The following CCDC178 variants were observed in gnomAD, a reference collection of about 807,000 sequenced individuals.
CCDC178 encodes coiled-coil domain-containing protein 178.
Under a neutral mutation model 117.4 loss-of-function variants are expected in CCDC178, and 126 were observed. The ratio of observed to expected loss-of-function variants is 1.07; its 90% CI spans 0.93 to 1.24. The LOEUF is 1.24. Ranked by LOEUF, CCDC178 falls within the 50% of genes most tolerant of loss-of-function variation. The pLI is 0.00. For synonymous variants in CCDC178, 283 were observed against 313.4 expected (o/e 0.90, Z 1.02); for missense variants, 1,030 against 986.9 (o/e 1.04, Z -0.59).
At position 33,439,996 on chromosome 18, in the gene CCDC178, T is replaced by C. The variant is rs1169113199; in HGVS notation, c.-57A>G. On this transcript the variant is annotated 5_prime_UTR_variant, in exon 2 of 23. Transcript: ENST00000383096. ...GGAGGTGTTGGCGTGGATCATCTTA[T>C]TTGGGGTGCTTTCGAGCAAGCAAGT... 6.6e-6 allele frequency: 1 copy of C among 152,156 alleles called. No homozygotes were observed. The highest frequency in any genetic ancestry group is 2.4e-5 in the African/African-American group (1 of 41,438). The allele number at this position is 152,156 out of a possible 1,614,324, so 9.4% of individuals were successfully genotyped here.
At chr18:33,384,058 A>T (rs923299047) in intron 5 of CCDC178, among the ~76,000 whole-genome samples, 2 of 152,130 alleles carry the variant, frequency 1.3e-5, no homozygotes, top group Non-Finnish European at 2.9e-5. Flanking sequence ...CGGGAACTTC[A>T]TGATGCAAAC....
At chr18:33,382,443 C>T (rs2063448240) in intron 5 of CCDC178, among the ~76,000 whole-genome samples, 1 of 152,092 alleles carries the variant, frequency 6.6e-6, no homozygotes. Context: ...CCCAGCAAGA[C>T]CAACATGGAA....
chr18:33,275,267 C>T (rs1391768442), intron 12 of CCDC178, among the ~76,000 whole-genome samples: 6 of 151,720 alleles, frequency 4.0e-5, no homozygotes, highest in Non-Finnish European at 8.8e-5. Context: ...AATATATGTG[C>T]ATATGTATAC....
At chr18:33,051,384 T>C (rs1217245693) in intron 21 of CCDC178, among the ~76,000 whole-genome samples, 1 of 152,198 alleles carries the variant, frequency 6.6e-6, no homozygotes, top group Non-Finnish European at 1.5e-5. Flanking sequence ...GATTTAGGAT[T>C]ACAACAATAA....
In CCDC178 at chr18:33,014,587, A is replaced by T. The variant is rs539894242; in HGVS notation, c.2389-39906T>A. ...CTGCTGTTTTTTCTAGAGGACCTGT[A>T]TAAGCAGGAAGTAAAGGAAAAGACA... On this transcript the variant is annotated intron_variant, in intron 21 of 22. Transcript: ENST00000383096. Among the ~76,000 whole-genome samples the T allele has an allele frequency of 5.9e-3, 897 of 152,362 alleles. 7 individuals carry two copies. The highest frequency in any genetic ancestry group is 0.021 in the African/African-American group (863 of 41,584).
At chr18:33,054,207 C>A (rs73415497) in intron 21 of CCDC178, among the ~76,000 whole-genome samples, 1 of 152,192 alleles carries the variant, frequency 6.6e-6, no homozygotes, top group Non-Finnish European at 1.5e-5. Flanking sequence ...ATAAATATTT[C>A]CATGAGCTGT....
intron 20 of CCDC178, among the ~76,000 whole-genome samples, chr18:33,129,915 T>C (rs1423598604): frequency 6.6e-6 from 1 of 151,976 alleles, no homozygotes; most frequent in Non-Finnish European, 1.5e-5. Flanking sequence ...CTTACTGTTT[T>C]ATATATTTCA....
chr18:33,421,507 G>GA (rs1185329930), intron 2 of CCDC178, among the ~76,000 whole-genome samples: 1 of 152,176 alleles, frequency 6.6e-6, no homozygotes, highest in Non-Finnish European at 1.5e-5. Context: ...GAACCATGGT[G>GA]AATAGATTTA....
chr18:33,355,007 G>A (rs1372469699), intron 7 of CCDC178, among the ~76,000 whole-genome samples: 1 of 151,960 alleles, frequency 6.6e-6, no homozygotes, highest in Non-Finnish European at 1.5e-5. Flanking sequence ...ATTTGTTCAT[G>A]GTTTCCTTTA....
chr18:33,103,369 T>C (rs1047617120), intron 20 of CCDC178, among the ~76,000 whole-genome samples: 5 of 151,656 alleles, frequency 3.3e-5, no homozygotes, highest in African/African-American at 1.2e-4. Flanking sequence ...GGGAGTACAA[T>C]TCAATATGAG....
chr18:33,298,659 G>A (rs1374188204), intron 11 of CCDC178, among the ~76,000 whole-genome samples: 1 of 152,176 alleles, frequency 6.6e-6, no homozygotes, highest in South Asian at 2.1e-4. Flanking sequence ...AGAAATACAG[G>A]GCAGCATCTA....
intron 20 of CCDC178, among the ~76,000 whole-genome samples, chr18:33,139,246 T>C (rs2058167368): frequency 6.6e-6 from 1 of 152,234 alleles, no homozygotes; most frequent in South Asian, 2.1e-4. Context: ...CTCTAGTATG[T>C]CTTTGTCAGC....
intron 22 of CCDC178, chr18:32,958,140 C>G: frequency 2.0e-6 from 1 of 497,820 alleles, no homozygotes; most frequent in Non-Finnish European, 3.7e-6. Context: ...AGAAATAAAA[C>G]ACAGACATTA....
intron 20 of CCDC178, among the ~76,000 whole-genome samples, chr18:33,097,308 C>T (rs983425513): frequency 1.3e-5 from 2 of 152,100 alleles, no homozygotes; most frequent in Non-Finnish European, 2.9e-5. Context: ...TAGCTCAGTT[C>T]TCAGGCAACA....
chr18:33,313,391 G>A (rs1263425976), intron 11 of CCDC178, among the ~76,000 whole-genome samples: 2 of 152,110 alleles, frequency 1.3e-5, no homozygotes, highest in African/African-American at 2.4e-5. Context: ...ATTTCCAAAT[G>A]CCACTTTTGC....
intron 22 of CCDC178, among the ~76,000 whole-genome samples, chr18:32,950,617 A>G (rs922999224): frequency 6.6e-6 from 1 of 152,170 alleles, no homozygotes; most frequent in African/African-American, 2.4e-5. Flanking sequence ...TCCAACAGTT[A>G]CAGTTACAGA....
chr18:33,235,290 A>G (rs547008660), intron 15 of CCDC178, among the ~76,000 whole-genome samples: 105 of 151,828 alleles, frequency 6.9e-4, no homozygotes, highest in Non-Finnish European at 1.1e-3. Context: ...AACGACCCCC[A>G]CCCCCAGTAT....
In CCDC178 at chr18:33,348,872, T is replaced by C; in HGVS notation, c.457+18A>G. 1 of 1,497,996 alleles carries C rather than the reference T, an allele frequency of 6.7e-7. No individual in the cohort carries two copies. Among genetic ancestry groups the C allele is most frequent in the Non-Finnish European group, 9.3e-7 (1 of 1,076,334 alleles). 92.8% of individuals were successfully genotyped at this position (1,497,996 alleles called of 1,614,324 possible). A position where few individuals can be genotyped will look rare whatever the true frequency, so the allele number is the denominator to read the frequency against. On this transcript the variant is annotated intron_variant, in intron 8 of 22. Transcript: ENST00000383096. ...TTTTAAATATATACAGTTATTCAAG[T>C]AGGAGGAACAACTTTACCTCTCTTT...
intron 20 of CCDC178, among the ~76,000 whole-genome samples, chr18:33,109,267 A>G (rs1264013876): frequency 3.3e-5 from 5 of 151,714 alleles, no homozygotes; most frequent in African/African-American, 1.2e-4. Context: ...ACAACCTTAT[A>G]TAGATAACAC....
Sources: gnomAD v4.1 joint callset for allele counts (sites outside exome capture counted in the v4.1 genomes callset) on GRCh38, gnomAD v4.1.1 for gene constraint, MANE v1.5 for transcripts, NCBI Gene and HGNC (gene_info 2026-07-23, HGNC 2026-07-21) for gene names.